The following NRXN1 variants were observed in gnomAD, a reference collection of about 807,000 sequenced individuals.
NRXN1 encodes the protein neurexin-1.
NRXN1 carries 39 observed loss-of-function variants against 150.9 expected under a neutral mutation model. The ratio of observed to expected loss-of-function variants is 0.26; its 90% CI spans 0.20 to 0.34. The LOEUF (loss-of-function observed/expected upper bound fraction) is 0.34, where lower values mean the gene tolerates loss of function less well. Ranked by LOEUF, NRXN1 falls within the 10% of genes least tolerant of loss-of-function variation. The pLI, the probability that NRXN1 is intolerant of heterozygous loss-of-function variation, is 1.00. For synonymous variants in NRXN1, 924 were observed against 757.0 expected (o/e 1.22, Z -3.62); for missense variants, 1,815 against 1,949.9 (o/e 0.93, Z 1.30).
intron 5 of NRXN1, among the ~76,000 whole-genome samples, chr2:50,789,745 G>C (rs1705667890): frequency 6.6e-6 from 1 of 152,114 alleles, no homozygotes; most frequent in South Asian, 2.1e-4. Context: ...GGGATATGCA[G>C]AGAAAGTAAA....
intron 2 of NRXN1, among the ~76,000 whole-genome samples, chr2:50,961,325 A>C (rs1693160530): frequency 6.6e-6 from 1 of 151,636 alleles, no homozygotes; most frequent in Non-Finnish European, 1.5e-5. Context: ...GCAAGCTCTC[A>C]GGTGATGCTG....
intron 5 of NRXN1, among the ~76,000 whole-genome samples, chr2:50,759,624 G>A (rs921974740): frequency 6.6e-6 from 1 of 151,838 alleles, no homozygotes; most frequent in African/African-American, 2.4e-5. Context: ...AGTTATTAAA[G>A]GGCTGATATG....
chr2:50,260,084 T>A (rs1426189458), intron 17 of NRXN1, among the ~76,000 whole-genome samples: 1 of 151,826 alleles, frequency 6.6e-6, no homozygotes, highest in East Asian at 1.9e-4. Context: ...ACCCTCAGCA[T>A]AAAATATTTT....
In NRXN1 at chr2:50,126,216, C is replaced by T. The variant is rs569160697; in HGVS notation, c.3547-34722G>A. The stretch of plus-strand genomic sequence containing the variant: ...GCATGCAGCGCATATTAGAACATTG[C>T]TCTTTCTGCTGCAGGTGTGTTTGAC... On this transcript the variant is annotated intron_variant, in intron 18 of 22. Coordinates refer to ENST00000401669, the MANE Select transcript of NRXN1 (RefSeq NM_001330078.2). 5.1e-4 allele frequency among the ~76,000 whole-genome samples: 77 copies of T among 152,144 alleles called. No individual in the cohort carries two copies. The South Asian group carries it at 0.015, about 29-fold the overall frequency.
intron 5 of NRXN1, among the ~76,000 whole-genome samples, chr2:50,845,984 T>C (rs1673589028): frequency 6.6e-6 from 1 of 152,246 alleles, no homozygotes; most frequent in African/African-American, 2.4e-5. Context: ...ATTTCAGTAT[T>C]GCTGACTGGC....
At chr2:50,008,291 TG>T (rs1685095535) in intron 21 of NRXN1, among the ~76,000 whole-genome samples, 1 of 152,090 alleles carries the variant, frequency 6.6e-6, no homozygotes, top group African/African-American at 2.4e-5. Context: ...ACTAGAGAAC[TG>T]GGTTTGGATC....
At chr2:50,666,327 T>C (rs1688014035) in intron 5 of NRXN1, among the ~76,000 whole-genome samples, 1 of 151,980 alleles carries the variant, frequency 6.6e-6, no homozygotes, top group Non-Finnish European at 1.5e-5. Context: ...CTTTTACAAT[T>C]AAAGCTGTCA....
At chr2:50,272,494 T>C (rs150070756) in intron 17 of NRXN1, among the ~76,000 whole-genome samples, 1 of 152,136 alleles carries the variant, frequency 6.6e-6, no homozygotes, top group Non-Finnish European at 1.5e-5. Context: ...CCAAAAATTT[T>C]TCCAAGATTT....
intron 5 of NRXN1, among the ~76,000 whole-genome samples, chr2:50,712,555 T>C (rs905362186): frequency 6.6e-6 from 1 of 152,206 alleles, no homozygotes; most frequent in Non-Finnish European, 1.5e-5. Context: ...TCAGGCTTTT[T>C]AGATACGTTA....
chr2:49,990,104 A>T (rs571234107), intron 21 of NRXN1, among the ~76,000 whole-genome samples: 1,641 of 149,464 alleles, frequency 0.011, 13 homozygotes, highest in Non-Finnish European at 0.017. Context: ...AATAAATTTA[A>T]AAAAAAAAAA....
intron 14 of NRXN1, among the ~76,000 whole-genome samples, chr2:50,496,589 G>A (rs941440540): frequency 6.6e-6 from 1 of 152,128 alleles, no homozygotes; most frequent in Admixed American, 6.6e-5. Flanking sequence ...GCCTTTGAAT[G>A]TGATCACCTC....
intron 18 of NRXN1, among the ~76,000 whole-genome samples, chr2:50,224,360 T>A (rs1056717921): frequency 1.3e-4 from 19 of 151,954 alleles, no homozygotes; most frequent in African/African-American, 4.6e-4. Flanking sequence ...AATTCATACC[T>A]CAATGAATTA....
chr2:50,512,950 G>T (rs1173787459), intron 12 of NRXN1, among the ~76,000 whole-genome samples: 4 of 151,916 alleles, frequency 2.6e-5, no homozygotes, highest in African/African-American at 9.7e-5. Flanking sequence ...ATATTTCAGG[G>T]GAGATCTGCA....
Position 50,946,549 on chromosome 2 carries a change from C to T in NRXN1, c.773-20594G>A, listed in dbSNP as rs563942294. Reference sequence around the variant, plus strand: ...CTCTGGGTGTGAGAAAACTGCCCTACTAAACTTACATTTTTAACCACATAA... The same window carrying T: ...CTCTGGGTGTGAGAAAACTGCCCTATTAAACTTACATTTTTAACCACATAA... On this transcript the variant is annotated intron_variant, in intron 2 of 22. Transcript: ENST00000401669. 2.8e-3 allele frequency among the ~76,000 whole-genome samples: 423 copies of T among 152,220 alleles called. 4 individuals are homozygous for T. Among genetic ancestry groups the T allele is most frequent in the Non-Finnish European group, 5.0e-3 (338 of 68,010 alleles).
At chr2:50,050,138 T>C (rs2152618434) in intron 21 of NRXN1, among the ~76,000 whole-genome samples, 1 of 148,058 alleles carries the variant, frequency 6.8e-6, no homozygotes, top group Non-Finnish European at 1.5e-5. Context: ...TGAAAATTGA[T>C]TATCATTCAA....
intron 5 of NRXN1, among the ~76,000 whole-genome samples, chr2:50,802,590 G>A (rs1707771692): frequency 6.7e-6 from 1 of 149,696 alleles, no homozygotes; most frequent in African/African-American, 2.5e-5. Flanking sequence ...GAGAGAAAGA[G>A]AGAGAGAAAA....
intron 21 of NRXN1, among the ~76,000 whole-genome samples, chr2:50,027,633 G>A (rs951115959): frequency 6.6e-6 from 1 of 152,052 alleles, no homozygotes; most frequent in Non-Finnish European, 1.5e-5. Flanking sequence ...GTAGAGACAG[G>A]GTTTCCCAGC....
At chr2:50,094,852 C>T (rs533275988) in intron 18 of NRXN1, among the ~76,000 whole-genome samples, 6 of 151,534 alleles carry the variant, frequency 4.0e-5, no homozygotes, top group Admixed American at 1.3e-4. Context: ...GAAGGAAGTG[C>T]ATTTACTACC....
At chr2:50,936,856 G>A (rs1688631125) in intron 2 of NRXN1, among the ~76,000 whole-genome samples, 1 of 151,912 alleles carries the variant, frequency 6.6e-6, no homozygotes, top group Admixed American at 6.6e-5. Flanking sequence ...TGAAAACGTG[G>A]GTAGTGTGAT....
Sources: allele counts gnomAD v4.1 joint callset (sites outside exome capture counted in the v4.1 genomes callset), GRCh38; gene constraint gnomAD v4.1.1; transcripts MANE v1.5; gene names NCBI Gene and HGNC (gene_info 2026-07-23, HGNC 2026-07-21).